Variants in NDRG3 observed in about 807,000 individuals in gnomAD.
NDRG3 encodes the protein protein NDRG3.
In NDRG3, 23 loss-of-function variants were observed where a neutral mutation model predicts 57.2. The observed-to-expected ratio is 0.40, with a 90% confidence interval of 0.29 to 0.57. The LOEUF (loss-of-function observed/expected upper bound fraction) is 0.57. Ranked by LOEUF, NDRG3 falls within the 20% of genes least tolerant of loss-of-function variation. The pLI, the probability that NDRG3 is intolerant of heterozygous loss-of-function variation, is 0.42. For synonymous variants in NDRG3, 132 were observed against 162.6 expected (o/e 0.81, Z 1.43); for missense variants, 384 against 457.3 (o/e 0.84, Z 1.46).
chr20:36,655,646 C>T (rs957043960), intron 15 of NDRG3, among the ~76,000 whole-genome samples: 1 of 152,122 alleles, frequency 6.6e-6, no homozygotes. Flanking sequence ...AGTTTAAATG[C>T]AAATCATAAT....
chr20:36,680,949 GTTC>G (rs762838759), intron 7 of NDRG3, 47 bp from the exon 8 acceptor site: 15 of 1,493,552 alleles, frequency 1.0e-5, no homozygotes, highest in South Asian at 2.3e-5. Flanking sequence ...CACTCCCACA[GTTC>G]TTCTAAACAG....
chr20:36,728,714 G>T (rs915847833), intron 1 of NDRG3, among the ~76,000 whole-genome samples: 4 of 151,940 alleles, frequency 2.6e-5, no homozygotes, highest in African/African-American at 7.3e-5. Flanking sequence ...AGGCATTTTG[G>T]TTTTTTTGTT....
intron 1 of NDRG3, among the ~76,000 whole-genome samples, chr20:36,742,957 T>C (rs1048580731): frequency 4.6e-5 from 7 of 152,186 alleles, no homozygotes; most frequent in African/African-American, 1.7e-4. Flanking sequence ...TTATTATAAA[T>C]ACCATGTAAT....
At chr20:36,695,399 G>C (rs1982690156) in intron 3 of NDRG3, among the ~76,000 whole-genome samples, 1 of 152,196 alleles carries the variant, frequency 6.6e-6, no homozygotes. Flanking sequence ...CCTGGGAGCT[G>C]GGCAGGACAG....
chr20:36,729,730 G>C (rs557944315), intron 1 of NDRG3, among the ~76,000 whole-genome samples: 1 of 152,044 alleles, frequency 6.6e-6, no homozygotes, highest in East Asian at 1.9e-4. Context: ...GTTGCACTTT[G>C]TTGCCCAGGC....
chr20:36,682,086 A>G (rs1251960512), intron 7 of NDRG3, among the ~76,000 whole-genome samples: 4 of 152,216 alleles, frequency 2.6e-5, no homozygotes, highest in Non-Finnish European at 5.9e-5. Flanking sequence ...CAGAAAATAA[A>G]AATTTCACAT....
chr20:36,705,407 G>A (rs1262036792), intron 3 of NDRG3, among the ~76,000 whole-genome samples: 1 of 151,942 alleles, frequency 6.6e-6, no homozygotes, highest in Non-Finnish European at 1.5e-5. Flanking sequence ...GATACTGTAT[G>A]TTTAGTAGGT....
At chr20:36,678,926 T>G (rs1980998258) in intron 8 of NDRG3, among the ~76,000 whole-genome samples, 1 of 152,240 alleles carries the variant, frequency 6.6e-6, no homozygotes, top group African/African-American at 2.4e-5. Flanking sequence ...TTAAATACTT[T>G]GAAGACATTT....
chr20:36,719,515 G>A (rs1273287853), intron 2 of NDRG3, among the ~76,000 whole-genome samples: 2 of 151,760 alleles, frequency 1.3e-5, no homozygotes, highest in African/African-American at 4.8e-5. Context: ...GGAATGGAGA[G>A]GTCACAGGGA....
intron 3 of NDRG3, among the ~76,000 whole-genome samples, chr20:36,698,049 TCCACTTCCTGGGTTC>T (rs749391269): frequency 1.3e-5 from 2 of 150,722 alleles, no homozygotes; most frequent in Non-Finnish European, 1.5e-5. Flanking sequence ...CACTGCAACT[TCCACTTCCTGGGTTC>T]AAGTGATTTT....
intron 1 of NDRG3, among the ~76,000 whole-genome samples, chr20:36,738,889 C>T (rs1985755085): frequency 6.7e-6 from 1 of 149,162 alleles, no homozygotes; most frequent in Non-Finnish European, 1.5e-5. Flanking sequence ...TTTGGGAGGC[C>T]GAGGCGGGTG....
chr20:36,705,592 AC>A (rs1463533144), intron 3 of NDRG3, among the ~76,000 whole-genome samples: 2 of 151,990 alleles, frequency 1.3e-5, no homozygotes, highest in Non-Finnish European at 2.9e-5. Flanking sequence ...CGTTGCCAGC[AC>A]CCTCCTTTAC....
intron 8 of NDRG3, among the ~76,000 whole-genome samples, chr20:36,674,259 G>A (rs1980447367): frequency 6.6e-6 from 1 of 151,674 alleles, no homozygotes; most frequent in Non-Finnish European, 1.5e-5. Context: ...GAGTGCAGTG[G>A]TGCAATCTTG....
chr20:36,674,742 C>T lies in NDRG3; in HGVS notation c.532-3345G>A, dbSNP rs543379905. ...CCTCCCGAGTAGCTGGGACTACAAG[C>T]GTGTACCACCTTTTAAATTTTTGTT... On this transcript the variant is annotated intron_variant, in intron 8 of 15. Coordinates refer to ENST00000349004, the MANE Select transcript of NDRG3 (RefSeq NM_032013.4). Among the ~76,000 whole-genome samples, 218 of 151,662 alleles carry T rather than the reference C, an allele frequency of 1.4e-3. 1 individual carries two copies. Among genetic ancestry groups the T allele is most frequent in the Middle Eastern group, 0.01 (3 of 294 alleles).
chr20:36,721,378 A>C (rs890136668), intron 2 of NDRG3, among the ~76,000 whole-genome samples: 6 of 151,690 alleles, frequency 4.0e-5, no homozygotes, highest in African/African-American at 1.5e-4. Flanking sequence ...AAAATACAAA[A>C]ATTAGCTGGG....
At chr20:36,666,572 G>A (rs1313892988) in intron 9 of NDRG3, among the ~76,000 whole-genome samples, 180 bp from the exon 10 acceptor site, 1 of 152,154 alleles carries the variant, frequency 6.6e-6, no homozygotes, top group East Asian at 1.9e-4. Context: ...CATCAGACTG[G>A]TTCAGTGCTA....
At position 36,714,856 on chromosome 20, in the gene NDRG3, G is replaced by A. The variant is rs187689005; in HGVS notation, c.57+6823C>T. ...TCGAACTCCCGACCTCAGGTGATCC[G>A]CCTGCCTTGGCTTCCCAAAGTGCTG... On this transcript the variant is annotated intron_variant, in intron 2 of 15. Coordinates refer to ENST00000349004, the MANE Select transcript of NDRG3 (RefSeq NM_032013.4). 2.1e-3 allele frequency among the ~76,000 whole-genome samples: 316 copies of A among 150,890 alleles called. 1 individual carries two copies. Among genetic ancestry groups the A allele is most frequent in the African/African-American group, 6.9e-3 (283 of 41,244 alleles).
At chr20:36,689,486 T>C (rs1982076409) in intron 3 of NDRG3, among the ~76,000 whole-genome samples, 1 of 152,148 alleles carries the variant, frequency 6.6e-6, no homozygotes, top group Non-Finnish European at 1.5e-5. Flanking sequence ...TCTGAACACA[T>C]GTTCAGATAA....
chr20:36,666,369 G>C lies in NDRG3; in HGVS notation c.612C>G (p.Asp204Glu), dbSNP rs766292192. ...TATGCATTCTGTAGGTTTGGATCAG[G>C]TCCAGGTTGGCCTGTAACTCTTCCT... Reference protein sequence around the residue: ...FGQEELQANLDLIQTYRMHIA... With the variant: ...FGQEELQANLELIQTYRMHIA... Residue 204 changes from aspartate to glutamate, a missense_variant, in exon 10 of 16, where the codon GAC becomes GAG. Physicochemically the swap from Asp to Glu is conservative, Grantham distance 45. Transcript: ENST00000349004. 31 of 1,613,888 alleles carry C rather than the reference G, an allele frequency of 1.9e-5. No homozygotes were observed. Among genetic ancestry groups the C allele is most frequent in the Non-Finnish European group, 4.2e-6 (5 of 1,179,866 alleles).
Sources: gnomAD v4.1 joint callset for allele counts (sites outside exome capture counted in the v4.1 genomes callset) on GRCh38, gnomAD v4.1.1 for gene constraint, MANE v1.5 for transcripts, NCBI Gene and HGNC (gene_info 2026-07-23, HGNC 2026-07-21) for gene names.